CD99: variants seen among roughly 807,000 people sequenced by gnomAD.
CD99 encodes the protein CD99 antigen.
CD99 carries 19 observed loss-of-function variants against 28.4 expected under a neutral mutation model. The ratio of observed to expected loss-of-function variants is 0.67; its 90% CI spans 0.47 to 0.98. CD99 has a LOEUF of 0.98. Among genes scored for constraint, CD99 ranks in the 50% least tolerant of loss-of-function variants. The probability of loss-of-function intolerance (pLI) is 0.00; values close to 1 mark genes in which losing one functional copy is unlikely to be tolerated. For synonymous variants in CD99, 103 were observed against 92.1 expected (o/e 1.12, Z -0.67); for missense variants, 283 against 248.8 (o/e 1.14, Z -0.92).
chrX:2,717,537 C>G, intron 2 of CD99, 68 bp from the exon 3 acceptor site: 1 of 1,246,992 alleles, frequency 8.0e-7, no homozygotes, highest in Non-Finnish European at 1.2e-6. Context: ...ACATCCTTAA[C>G]CACAAAAGAG....
rs748883038 is a variant in CD99, at chrX:2,740,772, C to G, written c.533-7C>G. On this transcript the variant is annotated splice_polypyrimidine_tract_variant and splice_region_variant and intron_variant, in intron 9 of 9. Coordinates refer to ENST00000381192, the MANE Select transcript of CD99 (RefSeq NM_002414.5). ...GAATGACTTTCTTTTGTCTCTGTCTCCCACAGTTCAGCGTACTCTTTTAGA... is the reference window on the plus strand; with the variant it reads ...GAATGACTTTCTTTTGTCTCTGTCTGCCACAGTTCAGCGTACTCTTTTAGA... 6.2e-6 allele frequency: 10 copies of G among 1,613,690 alleles called. No individual in the cohort carries two copies. The South Asian group carries it at 1.1e-4, about 18-fold the overall frequency.
chrX:2,717,003 T>C (rs1457226045), intron 2 of CD99, among the ~76,000 whole-genome samples: 1 of 152,140 alleles, frequency 6.6e-6, no homozygotes, highest in Non-Finnish European at 1.5e-5. Context: ...ACTTTGCCAT[T>C]CTCCTGCCTT....
chrX:2,741,034 G>C lies in CD99; in HGVS notation c.*230G>C, dbSNP rs1260545276. On this transcript the variant is annotated 3_prime_UTR_variant, in exon 10 of 10. Coordinates refer to ENST00000381192, the MANE Select transcript of CD99 (RefSeq NM_002414.5). ...AGGCACTTGGACCCCCATTCTCCAA[G>C]GCCCGGGGGGGCGGTTTCCCATGGG... The C allele has an allele frequency of 1.7e-6, 1 of 584,984 alleles. No homozygotes were observed. Among genetic ancestry groups the C allele is most frequent in the African/African-American group, 1.9e-5 (1 of 53,596 alleles). The allele number at this position is 584,984 out of a possible 1,614,324, so 36.2% of individuals were successfully genotyped here.
intron 1 of CD99, among the ~76,000 whole-genome samples, chrX:2,707,741 C>T (rs1320824063): frequency 1.3e-5 from 2 of 152,140 alleles, no homozygotes; most frequent in African/African-American, 2.4e-5. Context: ...ATGCCGTAAA[C>T]GTGCAACACA....
At chrX:2,709,950 C>G (rs1011339218) in intron 1 of CD99, among the ~76,000 whole-genome samples, 2 of 151,918 alleles carry the variant, frequency 1.3e-5, no homozygotes, top group African/African-American at 4.8e-5. Flanking sequence ...AAAAACCCAG[C>G]AAGCCAGGAG....
At chrX:2,716,647 A>G (rs2048735236) in intron 2 of CD99, among the ~76,000 whole-genome samples, 1 of 152,210 alleles carries the variant, frequency 6.6e-6, no homozygotes, top group Non-Finnish European at 1.5e-5. Context: ...GATTGCAGAC[A>G]CGAGCCACTG....
rs1335714452 is a variant in CD99 at position 2,698,797 on chromosome X, C to G, written c.67+7370C>G. On this transcript the variant is annotated intron_variant, in intron 1 of 9. Transcript: ENST00000381192. Reference sequence around the variant, plus strand: ...TGGTTTCAGACACAAACCTGCTTGACCACCCTCCAGTAGCTCTTGCTGACC... The same window carrying G: ...TGGTTTCAGACACAAACCTGCTTGAGCACCCTCCAGTAGCTCTTGCTGACC... Among the ~76,000 whole-genome samples, 5 of 152,198 alleles carry G rather than the reference C, an allele frequency of 3.3e-5. No individual in the cohort carries two copies. In the East Asian group the frequency reaches 7.7e-4, roughly 23 times the overall value.
intron 8 of CD99, among the ~76,000 whole-genome samples, chrX:2,730,057 G>A (rs1233429416): frequency 6.6e-6 from 1 of 152,156 alleles, no homozygotes; most frequent in Non-Finnish European, 1.5e-5. Flanking sequence ...TGGAGGCCGA[G>A]GTGTGAGGAT....
At chrX:2,723,198 TA>T in intron 6 of CD99, 115 bp from the exon 7 acceptor site, 1 of 1,031,154 alleles carries the variant, frequency 9.7e-7, no homozygotes, top group South Asian at 1.3e-5. Flanking sequence ...TGTAGCTGGG[TA>T]ACATGTACCC....
intron 1 of CD99, among the ~76,000 whole-genome samples, chrX:2,714,093 T>G (rs919201389): frequency 3.3e-5 from 5 of 152,236 alleles, no homozygotes; most frequent in Admixed American, 3.3e-4. Context: ...CATGTTGTTT[T>G]CAGTACATAT....
chrX:2,735,398 G>A (rs2049882688), intron 8 of CD99, among the ~76,000 whole-genome samples: 1 of 152,154 alleles, frequency 6.6e-6, no homozygotes, highest in Non-Finnish European at 1.5e-5. Context: ...GGGTATGTGG[G>A]TAGGGGTGTA....
chrX:2,724,526 T>A (rs1203035666), intron 7 of CD99, among the ~76,000 whole-genome samples: 2 of 152,146 alleles, frequency 1.3e-5, no homozygotes, highest in African/African-American at 4.8e-5. Flanking sequence ...CCCAGAACTC[T>A]GGGAGGCTGA....
intron 1 of CD99, among the ~76,000 whole-genome samples, chrX:2,706,169 C>T (rs2048105530): frequency 6.6e-6 from 1 of 151,844 alleles, no homozygotes; most frequent in Non-Finnish European, 1.5e-5. Flanking sequence ...ACCATCCTGG[C>T]TACCACGGTG....
At chrX:2,733,705 C>A in intron 8 of CD99, 1 of 414,764 alleles carries the variant, frequency 2.4e-6, no homozygotes, top group Non-Finnish European at 4.3e-6. Context: ...AGTTTTGTCC[C>A]TAAGTCCATC....
At chrX:2,738,856 T>G (rs910154014) in intron 9 of CD99, among the ~76,000 whole-genome samples, 6 of 151,836 alleles carry the variant, frequency 4.0e-5, no homozygotes, top group African/African-American at 9.7e-5. Flanking sequence ...CAACTTTTTT[T>G]TTGTTGTTAG....
chrX:2,738,325 C>T, intron 9 of CD99, 69 bp downstream of exon 9: 3 of 1,437,386 alleles, frequency 2.1e-6, no homozygotes, highest in Admixed American at 3.3e-5. Context: ...TCCATCCTCT[C>T]CCATCTTGCT....
rs780484454 is a variant in CD99, at chrX:2,738,230, A to C, written c.506A>C (p.His169Pro). The C allele has an allele frequency of 2.5e-6, 4 of 1,613,944 alleles. No individual in the cohort carries two copies. The highest frequency in any genetic ancestry group is 2.5e-6 in the Non-Finnish European group (3 of 1,179,860). The change falls in exon 9 of 10, where the codon CAC becomes CCC. Residue 169 changes from histidine (H) to proline (P), a missense_variant. By Grantham distance (77) the His-to-Pro change is moderately conservative (BLOSUM62 -2). Transcript: ENST00000381192. ...CAAGGGGAGGTGGACATGGAGAGCC[A>C]CCGGAATGCCAACGCAGAGCCAGCT... ...AEQGEVDMES[H>P]RNANAEPAVQ...
chrX:2,727,272 T>C, intron 8 of CD99: 2 of 778,256 alleles, frequency 2.6e-6, no homozygotes, highest in Non-Finnish European at 2.4e-6. Context: ...GAGGACGTAC[T>C]CACCATTGCA....
At chrX:2,709,476 C>T (rs779596305) in intron 1 of CD99, among the ~76,000 whole-genome samples, 2 of 152,360 alleles carry the variant, frequency 1.3e-5, no homozygotes, top group South Asian at 4.1e-4. Context: ...TATACACATG[C>T]AAACAGGTGT....
Sources: gnomAD v4.1 joint callset for allele counts (sites outside exome capture counted in the v4.1 genomes callset) on GRCh38, gnomAD v4.1.1 for gene constraint, MANE v1.5 for transcripts, NCBI Gene and HGNC (gene_info 2026-07-23, HGNC 2026-07-21) for gene names.